The following PRIM2 variants were observed in gnomAD, a reference collection of about 807,000 sequenced individuals.
The protein encoded by PRIM2 is DNA primase large subunit.
A neutral mutation model predicts 67.3 loss-of-function variants in PRIM2; 39 were observed. The observed-to-expected ratio is 0.58, with a 90% CI of 0.45 to 0.76. The LOEUF (loss-of-function observed/expected upper bound fraction) is 0.76. Ranked by LOEUF, PRIM2 falls within the 30% of genes least tolerant of loss-of-function variation. The pLI, the probability that PRIM2 is intolerant of heterozygous loss-of-function variation, is 0.00. For synonymous variants in PRIM2, 143 were observed against 198.7 expected (o/e 0.72, Z 2.36); for missense variants, 398 against 598.7 (o/e 0.66, Z 3.50).
intron 7 of PRIM2, among the ~76,000 whole-genome samples, chr6:57,495,290 C>T (rs2127411683): frequency 6.6e-6 from 1 of 152,242 alleles, no homozygotes; most frequent in Non-Finnish European, 1.5e-5. Context: ...CTGATTATTT[C>T]AGTTAGATAA....
In PRIM2 at chr6:57,373,041, G is replaced by A. The variant is rs1381661015; in HGVS notation, c.460-6860G>A. Among the ~76,000 whole-genome samples, 9 of 152,204 alleles carry A rather than the reference G, an allele frequency of 5.9e-5. No homozygotes were observed. The East Asian group carries it at 9.6e-4, about 16-fold the overall frequency. ...TAGGTCTTTGAGGAATCCCCACACT[G>A]TCTTCCACAATGGTTGAACTAATTT... On this transcript the variant is annotated intron_variant, in intron 5 of 13. Transcript: ENST00000615550.
At chr6:57,300,326 C>G in the PRIM2 span, among the ~76,000 whole-genome samples, 1 of 152,208 alleles carries the variant, frequency 6.6e-6, no homozygotes, top group Non-Finnish European at 1.5e-5. Context: ...TGAGAACCTT[C>G]AGCTCCTCTG....
rs1554344443 is a variant in PRIM2, at chr6:57,466,921, G to A, written c.694-40466G>A. ...GATCACCTCAGGTCGGAAGTTAAGA[G>A]ACCAGCCTGACCAAATGGAGAAACG... On this transcript the variant is annotated intron_variant, in intron 7 of 13. Transcript: ENST00000615550. Among the ~76,000 whole-genome samples, 30 of 152,094 alleles carry A rather than the reference G, an allele frequency of 2.0e-4. No individual in the cohort carries two copies. In the South Asian group the frequency reaches 5.4e-3, roughly 27 times the overall value.
chr6:57,325,966 T>G lies in PRIM2; in HGVS notation c.380T>G (p.Leu127Arg). The G allele has an allele frequency of 6.2e-7, 1 of 1,611,084 alleles. No homozygotes were observed. Among genetic ancestry groups the G allele is most frequent in the African/African-American group, 1.3e-5 (1 of 74,984 alleles). ...RRWFIQQEMD[L>R]LRFRFSILPK... ...TGGTTCATTCAACAAGAAATGGATC[T>G]CCTTCGATTTAGATTTAGTATTTTA... is the stretch of plus-strand genomic sequence containing the variant. Residue 127 changes from leucine (L) to arginine (R), a missense_variant, in exon 5 of 14, where the codon CTC (leucine) becomes CGC (arginine). Physicochemically the swap from Leu to Arg is moderately radical, Grantham distance 102. Transcript: ENST00000615550.
At chr6:57,483,042 T>C (rs1440536018) in intron 7 of PRIM2, among the ~76,000 whole-genome samples, 2 of 152,104 alleles carry the variant, frequency 1.3e-5, no homozygotes, top group African/African-American at 4.8e-5. Context: ...CCAGAGTAGC[T>C]GGGATTACAG....
chr6:57,337,578 A>G lies in PRIM2; in HGVS notation c.459+11533A>G, dbSNP rs1421947070. Reference sequence around the variant, plus strand: ...ATCTCACTCAAAACCACTCAACTACATGGAAACTGAACAACCTGCTCCTGA... The same window carrying G: ...ATCTCACTCAAAACCACTCAACTACGTGGAAACTGAACAACCTGCTCCTGA... On this transcript the variant is annotated intron_variant, in intron 5 of 13. Coordinates refer to ENST00000615550, the MANE Select transcript of PRIM2 (RefSeq NM_000947.5). Among the ~76,000 whole-genome samples the G allele has an allele frequency of 2.0e-5, 3 of 152,226 alleles. No individual in the cohort carries two copies. In the East Asian group the frequency reaches 5.8e-4, roughly 29 times the overall value.
the PRIM2 span, among the ~76,000 whole-genome samples, chr6:57,228,868 C>T: frequency 6.6e-6 from 1 of 152,192 alleles, no homozygotes; most frequent in Non-Finnish European, 1.5e-5. Flanking sequence ...CGTAAAAGCA[C>T]TTAGAAGAGT....
chr6:57,240,100 T>TTTG, the PRIM2 span, among the ~76,000 whole-genome samples: 1 of 141,612 alleles, frequency 7.1e-6, no homozygotes, highest in Non-Finnish European at 1.5e-5. Flanking sequence ...TGTTTTTTTT[T>TTTG]TTTTTTTTTT....
In PRIM2 at chr6:57,567,652, G is replaced by A. The variant is rs1429305209; in HGVS notation, c.1020+30027G>A. ...ACTAGGACATAAAATACGTGATTGTGTAGTATGTGAGAAAGCAAAATGCCC... is the reference window on the plus strand; with the variant it reads ...ACTAGGACATAAAATACGTGATTGTATAGTATGTGAGAAAGCAAAATGCCC... On this transcript the variant is annotated intron_variant, in intron 10 of 13. Coordinates refer to ENST00000615550, the MANE Select transcript of PRIM2 (RefSeq NM_000947.5). Among the ~76,000 whole-genome samples, 38 of 152,244 alleles carry A rather than the reference G, an allele frequency of 2.5e-4. 1 individual carries two copies. The South Asian group carries it at 7.7e-3, about 31-fold the overall frequency.
chr6:57,523,932 C>G (rs1774684501), intron 8 of PRIM2, among the ~76,000 whole-genome samples: 2 of 152,044 alleles, frequency 1.3e-5, no homozygotes, highest in South Asian at 4.1e-4. Context: ...CCTTTCACTA[C>G]AATTCACAGA....
intron 8 of PRIM2, among the ~76,000 whole-genome samples, chr6:57,516,338 G>A (rs1487606409): frequency 6.6e-6 from 1 of 152,138 alleles, no homozygotes; most frequent in Admixed American, 6.6e-5. Context: ...TTTCTTTTGA[G>A]GTGGGAGTAT....
chr6:57,451,971 T>C (rs138279343), intron 7 of PRIM2, among the ~76,000 whole-genome samples: 1 of 140,262 alleles, frequency 7.1e-6, no homozygotes, highest in African/African-American at 2.6e-5. Context: ...TGTGATGTTC[T>C]TCTTCCTGTG....
At position 57,597,925 on chromosome 6, in the gene PRIM2, C is replaced by G. The variant is rs1303362453; in HGVS notation, c.1021-3168C>G. ...TAATCTGTTTTATTTTTATTTCTAT[C>G]TACATGATACTTTAATTTCATGTAT... On this transcript the variant is annotated intron_variant, in intron 10 of 13. Transcript: ENST00000615550. Among the ~76,000 whole-genome samples the G allele has an allele frequency of 1.6e-3, 240 of 152,252 alleles. 4 individuals are homozygous for G. The highest frequency in any genetic ancestry group is 0.014 in the Middle Eastern group (4 of 294).
At chr6:57,550,388 G>T (rs1775376516) in intron 10 of PRIM2, among the ~76,000 whole-genome samples, 1 of 152,038 alleles carries the variant, frequency 6.6e-6, no homozygotes, top group African/African-American at 2.4e-5. Flanking sequence ...TGAACAGGTT[G>T]GGCTTGCTTT....
At chr6:57,420,546 C>T (rs1771431125) in intron 7 of PRIM2, among the ~76,000 whole-genome samples, 1 of 152,170 alleles carries the variant, frequency 6.6e-6, no homozygotes, top group South Asian at 2.1e-4. Flanking sequence ...ATTCTGTGAG[C>T]TTCCTAGTAG....
At chr6:57,596,693 C>T (rs1275132968) in intron 10 of PRIM2, among the ~76,000 whole-genome samples, 4 of 138,942 alleles carry the variant, frequency 2.9e-5, no homozygotes, top group Non-Finnish European at 6.3e-5. Context: ...TATTCTGTCT[C>T]TCTTTCTTAT....
chr6:57,521,733 A>G (rs1774628715), intron 8 of PRIM2, among the ~76,000 whole-genome samples: 1 of 152,208 alleles, frequency 6.6e-6, no homozygotes, highest in Non-Finnish European at 1.5e-5. Context: ...CCAGATAGAA[A>G]GGAGTAAATG....
chr6:57,519,321 T>G (rs1296519964), intron 8 of PRIM2, among the ~76,000 whole-genome samples: 3 of 152,198 alleles, frequency 2.0e-5, no homozygotes, highest in African/African-American at 7.2e-5. Context: ...AATTTCCTCT[T>G]CCTAATAAGC....
At chr6:57,317,070 G>T (rs1767503431), upstream of PRIM2, among the ~76,000 whole-genome samples, 1 of 152,212 alleles carries the variant, frequency 6.6e-6, no homozygotes. Context: ...TATGTAGACG[G>T]GCAAACTAAC....
Sources: allele counts gnomAD v4.1 joint callset (sites outside exome capture counted in the v4.1 genomes callset), GRCh38; gene constraint gnomAD v4.1.1; transcripts MANE v1.5; gene names NCBI Gene and HGNC (gene_info 2026-07-23, HGNC 2026-07-21).